Variants in FXN observed in about 807,000 individuals in gnomAD.
The protein encoded by FXN is frataxin.
A neutral mutation model predicts 22.4 loss-of-function variants in FXN; 14 were observed. That is an observed-to-expected ratio of 0.62 (90% CI 0.41 to 0.98). The LOEUF is 0.98. Among genes scored for constraint, FXN ranks in the 50% least tolerant of loss-of-function variants. The pLI is 0.00. For synonymous variants in FXN, 120 were observed against 114.1 expected (o/e 1.05, Z -0.33); for missense variants, 267 against 268.4 (o/e 0.99, Z 0.04).
Position 69,075,561 on chromosome 9 carries a change from G to A in FXN, c.*2799G>A, listed in dbSNP as rs919118933. On this transcript the variant is annotated 3_prime_UTR_variant, in exon 5 of 5. Coordinates refer to ENST00000484259, the MANE Select transcript of FXN (RefSeq NM_000144.5). ...TCAAGCAAACTGGAAAAGTACCACT[G>A]TGTGTACCAATAGCCTCCCCACCAC... 3 of 985,142 alleles carry A rather than the reference G, an allele frequency of 3.0e-6. No homozygotes were observed. Among genetic ancestry groups the A allele is most frequent in the African/African-American group, 1.7e-5 (1 of 57,206 alleles). The allele number at this position is 985,142 out of a possible 1,614,324, so 61.0% of individuals were successfully genotyped here. A position where few individuals can be genotyped will look rare whatever the true frequency, so the allele number is the denominator to read the frequency against.
At chr9:69,063,188 C>T (rs1335151258) in intron 3 of FXN, among the ~76,000 whole-genome samples, 1 of 152,122 alleles carries the variant, frequency 6.6e-6, no homozygotes, top group Admixed American at 6.6e-5. Flanking sequence ...CAGAGCAAGA[C>T]CCTGTTGTAA....
At chr9:69,064,274 G>T (rs1832128317) in intron 3 of FXN, among the ~76,000 whole-genome samples, 1 of 152,184 alleles carries the variant, frequency 6.6e-6, no homozygotes, top group African/African-American at 2.4e-5. Flanking sequence ...ATTGGTCAAA[G>T]ATGCACCAAC....
chr9:69,074,488 C>A lies in FXN; in HGVS notation c.*1726C>A, dbSNP rs551511302. On this transcript the variant is annotated 3_prime_UTR_variant, in exon 5 of 5. Coordinates refer to ENST00000484259, the MANE Select transcript of FXN (RefSeq NM_000144.5). ...GGAGGAGGTTACAGTGAGTCGAGAT[C>A]GTACCTGAGCGACAGAGCGAGACTC... The A allele has an allele frequency of 4.1e-6, 4 of 978,306 alleles. No homozygotes were observed. Among genetic ancestry groups the A allele is most frequent in the Non-Finnish European group, 4.8e-6 (4 of 826,332 alleles). The allele number at this position is 978,306 out of a possible 1,614,324, so 60.6% of individuals were successfully genotyped here.
chr9:69,076,917 A>C lies in FXN; in HGVS notation c.*4155A>C. On this transcript the variant is annotated 3_prime_UTR_variant, in exon 5 of 5. Coordinates refer to ENST00000484259, the MANE Select transcript of FXN (RefSeq NM_000144.5). ...CATGACTTTGTGTATAGAGTAAGAA[A>C]TGCCTTTTCTTTTTTGAGACAGAGT... 1.0e-6 allele frequency: 1 copy of C among 985,068 alleles called. No homozygotes were observed. The highest frequency in any genetic ancestry group is 4.7e-5 in the South Asian group (1 of 21,272). 61.0% of individuals were successfully genotyped at this position (985,068 alleles called of 1,614,324 possible).
chr9:69,062,108 A>G (rs1050747961), intron 3 of FXN, among the ~76,000 whole-genome samples: 1 of 152,190 alleles, frequency 6.6e-6, no homozygotes, highest in African/African-American at 2.4e-5. Flanking sequence ...TACAGTTTTA[A>G]GAAACTTTTA....
intron 1 of FXN, among the ~76,000 whole-genome samples, chr9:69,039,673 TGGAG>T (rs1831621217): frequency 6.6e-6 from 1 of 152,128 alleles, no homozygotes; most frequent in Non-Finnish European, 1.5e-5. Context: ...GTCCATTTGA[TGGAG>T]GGATGTGACG....
At position 69,073,449 on chromosome 9, in the gene FXN, G is replaced by A; in HGVS notation, c.*687G>A. The A allele has an allele frequency of 1.0e-6, 1 of 985,334 alleles. No individual in the cohort carries two copies. Among genetic ancestry groups the A allele is most frequent in the Non-Finnish European group, 1.2e-6 (1 of 829,934 alleles). 61.0% of individuals were successfully genotyped at this position (985,334 alleles called of 1,614,324 possible). A position where few individuals can be genotyped will look rare whatever the true frequency, so the allele number is the denominator to read the frequency against. On this transcript the variant is annotated 3_prime_UTR_variant, in exon 5 of 5. Transcript: ENST00000484259. ...TTTAAAGGTTAGTATGGAATCAGCT[G>A]CTACAAGAATGCAAAAAATCTTCCA...
intron 2 of FXN, among the ~76,000 whole-genome samples, chr9:69,049,900 T>G (rs1305371954): frequency 2.6e-5 from 4 of 152,188 alleles, no homozygotes; most frequent in Non-Finnish European, 5.9e-5. Flanking sequence ...TAAGGAAATG[T>G]ATCTAGTCAC....
intron 2 of FXN, among the ~76,000 whole-genome samples, chr9:69,049,497 G>A (rs549984946): frequency 6.6e-6 from 1 of 152,286 alleles, no homozygotes; most frequent in South Asian, 2.1e-4. Context: ...TAATTGTCTA[G>A]CAGCCCCTGG....
At chr9:69,049,011 C>T (rs1831807217) in intron 2 of FXN, among the ~76,000 whole-genome samples, 1 of 152,224 alleles carries the variant, frequency 6.6e-6, no homozygotes, top group South Asian at 2.1e-4. Flanking sequence ...CCCCAGCAGA[C>T]TCTCTGCTGC....
intron 4 of FXN, chr9:69,071,286 A>C (rs776791338): frequency 1.9e-6 from 1 of 518,968 alleles, no homozygotes; most frequent in Admixed American, 1.9e-5. Context: ...TTATCTCCAT[A>C]CTGGGAACAG....
chr9:69,077,637 G>T lies in FXN; in HGVS notation c.*4875G>T. ...TAACGCCACATCTTGACCTCAAATT[G>T]TTTAGCTCCTGGCCAGACACGGTGG... On this transcript the variant is annotated 3_prime_UTR_variant, in exon 5 of 5. Transcript: ENST00000484259. 1.0e-6 allele frequency: 1 copy of T among 985,376 alleles called. No homozygotes were observed. The highest frequency in any genetic ancestry group is 1.2e-6 in the Non-Finnish European group (1 of 829,988). The allele number at this position is 985,376 out of a possible 1,614,324, so 61.0% of individuals were successfully genotyped here. A position where few individuals can be genotyped will look rare whatever the true frequency, so the allele number is the denominator to read the frequency against.
At chr9:69,054,473 T>A (rs1489503642) in intron 3 of FXN, among the ~76,000 whole-genome samples, 1 of 152,118 alleles carries the variant, frequency 6.6e-6, no homozygotes, top group Non-Finnish European at 1.5e-5. Context: ...TGGGAGAAAA[T>A]CCCTCAAAGA....
intron 4 of FXN, among the ~76,000 whole-genome samples, chr9:69,067,459 C>T (rs1832189625): frequency 6.6e-6 from 1 of 152,224 alleles, no homozygotes; most frequent in Admixed American, 6.5e-5. Context: ...GGAGAAACCC[C>T]TGTAGAGGAG....
At chr9:69,068,358 G>A (rs1299782130) in intron 4 of FXN, among the ~76,000 whole-genome samples, 1 of 152,196 alleles carries the variant, frequency 6.6e-6, no homozygotes, top group African/African-American at 2.4e-5. Context: ...AGAACATGGG[G>A]TGCCTCCCCT....
chr9:69,042,520 C>T (rs1036499996), intron 1 of FXN, among the ~76,000 whole-genome samples: 1 of 152,026 alleles, frequency 6.6e-6, no homozygotes, highest in African/African-American at 2.4e-5. Flanking sequence ...AGCAGTTGCC[C>T]GAGGAATATT....
chr9:69,068,369 C>T (rs1279852861), intron 4 of FXN, among the ~76,000 whole-genome samples: 1 of 152,162 alleles, frequency 6.6e-6, no homozygotes, highest in African/African-American at 2.4e-5. Context: ...TGCCTCCCCT[C>T]CCCCCAGCCC....
chr9:69,047,501 G>C (rs2133103838), intron 2 of FXN, among the ~76,000 whole-genome samples: 1 of 152,290 alleles, frequency 6.6e-6, no homozygotes, highest in South Asian at 2.1e-4. Context: ...CCTGGCAGAG[G>C]AGCATGTTCC....
chr9:69,052,885 A>C (rs1831879222), intron 2 of FXN, among the ~76,000 whole-genome samples: 1 of 151,564 alleles, frequency 6.6e-6, no homozygotes, highest in Non-Finnish European at 1.5e-5. Context: ...TTACGCCTGT[A>C]ATCCTAACAT....
Sources: gnomAD v4.1 joint callset for allele counts (sites outside exome capture counted in the v4.1 genomes callset) on GRCh38, gnomAD v4.1.1 for gene constraint, MANE v1.5 for transcripts, NCBI Gene and HGNC (gene_info 2026-07-23, HGNC 2026-07-21) for gene names.